Variants in GMPS observed in about 807,000 individuals in gnomAD.
GMPS encodes the protein guanosine monophosphate synthase, also known as GMP synthase [glutamine-hydrolyzing].
GMPS carries 15 observed loss-of-function variants against 77.9 expected under a neutral mutation model. The ratio of observed to expected loss-of-function variants is 0.19; its 90% CI spans 0.13 to 0.30. The LOEUF is 0.30. GMPS is among the 10% of genes least tolerant of loss of function. GMPS has a pLI of 1.00. For missense variants in GMPS, 590 were observed against 838.8 expected (o/e 0.70, Z 3.66); for synonymous variants, 224 against 275.9 (o/e 0.81, Z 1.86).
intron 12 of GMPS, 129 bp downstream of exon 12, chr3:155,925,495 C>A: frequency 1.7e-6 from 1 of 589,658 alleles, no homozygotes; most frequent in Non-Finnish European, 2.9e-6. Flanking sequence ...ACCTCCGCCT[C>A]CTGGGTTCAA....
intron 1 of GMPS, among the ~76,000 whole-genome samples, chr3:155,884,720 A>G (rs1222685791): frequency 3.3e-5 from 5 of 152,210 alleles, no homozygotes; most frequent in African/African-American, 9.7e-5. Context: ...GATTACATAC[A>G]GTAGAACTGT....
At chr3:155,917,554 T>C (rs920601380) in intron 9 of GMPS, among the ~76,000 whole-genome samples, 5 of 152,210 alleles carry the variant, frequency 3.3e-5, no homozygotes, top group African/African-American at 1.2e-4. Flanking sequence ...TCATTCATGT[T>C]GTAGCATGTG....
intron 7 of GMPS, 32 bp downstream of exon 7, chr3:155,911,311 A>G (rs188144740): frequency 2.3e-5 from 34 of 1,447,710 alleles, no homozygotes; most frequent in Middle Eastern, 1.8e-4. Context: ...GTTAACTTAC[A>G]TGTTAGGACT....
chr3:155,929,293 A>G (rs1000628737), intron 12 of GMPS, among the ~76,000 whole-genome samples: 11 of 151,932 alleles, frequency 7.2e-5, no homozygotes, highest in Non-Finnish European at 8.8e-5. Context: ...GCCAGTGATG[A>G]TGAGCATTTT....
At chr3:155,882,210 G>A (rs1754222677) in intron 1 of GMPS, among the ~76,000 whole-genome samples, 1 of 152,224 alleles carries the variant, frequency 6.6e-6, no homozygotes, top group African/African-American at 2.4e-5. Flanking sequence ...AGGACAAGCT[G>A]CAGACTTAAG....
rs543964860 is a variant in GMPS at position 155,881,831 on chromosome 3, T to C, written c.27+10934T>C. Among the ~76,000 whole-genome samples, 55 of 152,242 alleles carry C rather than the reference T, an allele frequency of 3.6e-4. No individual in the cohort carries two copies. The South Asian group carries it at 6.4e-3, about 18-fold the overall frequency. On this transcript the variant is annotated intron_variant, in intron 1 of 15. Coordinates refer to ENST00000496455, the MANE Select transcript of GMPS (RefSeq NM_003875.3). ...CTGCAATCCCAGCACTTTGGGAGGC[T>C]GAGGTGGGTATATCACTTGAGCTCA...
intron 4 of GMPS, among the ~76,000 whole-genome samples, chr3:155,904,315 A>T (rs1482686196): frequency 1.3e-5 from 2 of 148,866 alleles, no homozygotes; most frequent in Non-Finnish European, 3.0e-5. Flanking sequence ...TTCGAGACGG[A>T]GTCTCCCTCT....
In GMPS at chr3:155,943,888, T is replaced by C. The variant is rs1196756657; in HGVS notation, c.*6196T>C. 1 of 152,698 alleles carries C rather than the reference T, an allele frequency of 6.5e-6. No homozygotes were observed. The highest frequency in any genetic ancestry group is 2.4e-5 in the African/African-American group (1 of 41,472). The allele number at this position is 152,698 out of a possible 1,614,324, so 9.5% of individuals were successfully genotyped here. On this transcript the variant is annotated 3_prime_UTR_variant, in exon 16 of 16. Transcript: ENST00000496455. ...TAATTTATTTCCCTTGCATATATAG[T>C]AGGGGTTAACATTTTGCTCAATGTT...
At chr3:155,887,808 G>A (rs6441023) in intron 1 of GMPS, among the ~76,000 whole-genome samples, 123,636 of 152,084 alleles carry the variant, frequency 0.81, 50,445 homozygotes, top group African/African-American at 0.86. Context: ...TGGAAAAAGT[G>A]TATGTAGATG....
intron 5 of GMPS, among the ~76,000 whole-genome samples, chr3:155,908,824 G>A (rs1292201901): frequency 1.3e-5 from 2 of 152,190 alleles, no homozygotes; most frequent in Non-Finnish European, 2.9e-5. Context: ...TTGTATATAT[G>A]AGCCTGGACT....
chr3:155,914,139 G>A (rs1460037365), intron 7 of GMPS, among the ~76,000 whole-genome samples: 2 of 151,472 alleles, frequency 1.3e-5, no homozygotes, highest in African/African-American at 4.9e-5. Context: ...GTAGTGATGG[G>A]ATTTCACCAT....
chr3:155,929,334 T>G (rs1437344964), intron 12 of GMPS, among the ~76,000 whole-genome samples: 2 of 152,320 alleles, frequency 1.3e-5, no homozygotes, highest in East Asian at 3.9e-4. Context: ...ATAAATGTCT[T>G]CTTTTGAGAA....
At chr3:155,920,648 A>G (rs529680397) in intron 10 of GMPS, among the ~76,000 whole-genome samples, 22 of 151,836 alleles carry the variant, frequency 1.4e-4, no homozygotes, top group Non-Finnish European at 2.2e-4. Flanking sequence ...CAAGTGTTCT[A>G]TGTCCTTGGT....
chr3:155,897,033 C>T (rs571719253), intron 2 of GMPS, among the ~76,000 whole-genome samples: 8 of 152,216 alleles, frequency 5.3e-5, no homozygotes, highest in South Asian at 4.1e-4. Context: ...AACTGGAGAG[C>T]ATGTGCAGCT....
intron 10 of GMPS, 28 bp downstream of exon 10, chr3:155,919,366 A>G (rs771351627): frequency 1.8e-6 from 2 of 1,122,588 alleles, no homozygotes. Flanking sequence ...ATTTTGTTTG[A>G]TTCATCTTTA....
chr3:155,925,117 CAAG>C, intron 11 of GMPS, 121 bp from the exon 12 acceptor site: 4 of 785,980 alleles, frequency 5.1e-6, no homozygotes, highest in Non-Finnish European at 6.1e-6. Context: ...ACACACAACT[CAAG>C]GAGATACCAA....
intron 15 of GMPS, among the ~76,000 whole-genome samples, chr3:155,936,970 T>C (rs1035973465): frequency 6.6e-6 from 1 of 152,196 alleles, no homozygotes; most frequent in African/African-American, 2.4e-5. Flanking sequence ...ACTTGCATAA[T>C]AGCAAGTGAA....
At position 155,922,738 on chromosome 3, in the gene GMPS, G is replaced by A. The variant is rs140136142; in HGVS notation, c.1434+436G>A. On this transcript the variant is annotated intron_variant, in intron 11 of 15. Transcript: ENST00000496455. Reference sequence around the variant, plus strand: ...CTGGGTCCAAGAAGGGCCAGAGATTGGATCAGATATCTTCACACTATGCAA... The same window carrying A: ...CTGGGTCCAAGAAGGGCCAGAGATTAGATCAGATATCTTCACACTATGCAA... 8.5e-5 allele frequency among the ~76,000 whole-genome samples: 13 copies of A among 152,274 alleles called. No homozygotes were observed. In the East Asian group the frequency reaches 2.5e-3, roughly 29 times the overall value.
chr3:155,910,760 G>A lies in GMPS; in HGVS notation c.595G>A (p.Gly199Arg), dbSNP rs549646564. 6.2e-7 allele frequency: 1 copy of A among 1,611,090 alleles called. No individual in the cohort carries two copies. The highest frequency in any genetic ancestry group is 1.3e-5 in the African/African-American group (1 of 74,922). ...CCCTGAAGTTGGCCTTACAGAAAAT[G>A]GAAAAGTAATACTGAAGAATTTCCT... The part of the protein sequence containing the change: ...FHPEVGLTEN[G>R]KVILKNFLYD... The change falls in exon 6 of 16, where the codon GGA (glycine) becomes AGA (arginine). Residue 199 changes from glycine (G) to arginine (R), a missense_variant. Around this residue, in one of 6 missense-constraint regions of GMPS, gnomAD observed 136 missense variants for 225.6 expected, o/e 0.60. Transcript: ENST00000496455.
Sources: gnomAD v4.1 joint callset for allele counts (sites outside exome capture counted in the v4.1 genomes callset) on GRCh38, gnomAD v4.1.1 for gene constraint, gnomAD v4.1.1 regional missense constraint, MANE v1.5 for transcripts, NCBI Gene and HGNC (gene_info 2026-07-23, HGNC 2026-07-21) for gene names.